The following TET3 variants were observed in gnomAD, a reference collection of about 807,000 sequenced individuals.
TET3 encodes tet methylcytosine dioxygenase 3, also known as methylcytosine dioxygenase TET3.
Under a neutral mutation model 141.4 loss-of-function variants are expected in TET3, and 19 were observed. The observed-to-expected ratio is 0.13, with a 90% CI of 0.09 to 0.20. TET3 has a LOEUF of 0.20. Ranked by LOEUF, TET3 falls within the 10% of genes least tolerant of loss-of-function variation. The pLI is 1.00. For synonymous variants in TET3, 1,043 were observed against 980.9 expected (o/e 1.06, Z -1.18); for missense variants, 1,874 against 2,356.9 (o/e 0.80, Z 4.24).
At chr2:74,095,358 G>A (rs1000687054) in intron 10 of TET3, among the ~76,000 whole-genome samples, 5 of 152,212 alleles carry the variant, frequency 3.3e-5, no homozygotes. Flanking sequence ...AGCCCAGGGG[G>A]CCCTGGAAGG....
chr2:74,092,955 G>C lies in TET3; in HGVS notation c.3093G>C (p.Leu1031=). Residue 1031 remains leucine, a synonymous_variant, in exon 9 of 12, where the codon CTG becomes CTC. Transcript: ENST00000409262. ...FQDLATEVAP[L]YKRLAPQAYQ... is the part of the protein sequence containing the mutation. ...ACCTGGCCACCGAAGTCGCTCCCCT[G>C]TACAAGCGACTGGCCCCTCAGGCCT... The C allele has an allele frequency of 1.9e-6, 3 of 1,584,978 alleles. No homozygotes were observed. Among genetic ancestry groups the C allele is most frequent in the Non-Finnish European group, 2.6e-6 (3 of 1,165,690 alleles).
At chr2:74,011,285 C>T (rs1444200225) in intron 3 of TET3, among the ~76,000 whole-genome samples, 4 of 150,884 alleles carry the variant, frequency 2.7e-5, no homozygotes, top group Non-Finnish European at 5.9e-5. Context: ...CACGGAAAGG[C>T]ATATGCTGTG....
intron 3 of TET3, among the ~76,000 whole-genome samples, chr2:74,043,325 C>T (rs1247844970): frequency 6.6e-6 from 1 of 152,184 alleles, no homozygotes; most frequent in Admixed American, 6.5e-5. Flanking sequence ...CTGATATATT[C>T]CATGGCCTGT....
At chr2:73,989,384 C>T (rs567878439) in intron 2 of TET3, among the ~76,000 whole-genome samples, 2 of 152,332 alleles carry the variant, frequency 1.3e-5, no homozygotes, top group East Asian at 3.9e-4. Flanking sequence ...GGGCACTCTT[C>T]CTTACTTCCC....
At chr2:74,066,438 CTG>C (rs1383658728) in intron 4 of TET3, among the ~76,000 whole-genome samples, 1 of 152,120 alleles carries the variant, frequency 6.6e-6, no homozygotes, top group Non-Finnish European at 1.5e-5. Flanking sequence ...ATTATAGTAT[CTG>C]TAATATATAT....
intron 5 of TET3, among the ~76,000 whole-genome samples, chr2:74,074,547 G>T (rs965246431): frequency 6.6e-6 from 1 of 152,236 alleles, no homozygotes; most frequent in African/African-American, 2.4e-5. Flanking sequence ...AACACTCTAA[G>T]TTCGAGTCTA....
chr2:74,064,545 G>A (rs553246369), intron 4 of TET3, among the ~76,000 whole-genome samples: 4 of 152,164 alleles, frequency 2.6e-5, no homozygotes, highest in Middle Eastern at 3.4e-3. Flanking sequence ...GACTACAGGC[G>A]TGCGTGCCAC....
intron 3 of TET3, among the ~76,000 whole-genome samples, chr2:74,004,008 T>C (rs1685014210): frequency 6.6e-6 from 1 of 152,140 alleles, no homozygotes; most frequent in Non-Finnish European, 1.5e-5. Context: ...AAGGAGCCAC[T>C]GTGAGTTTGG....
At chr2:73,984,745 G>A (rs1235320867), upstream of TET3, among the ~76,000 whole-genome samples, 1 of 149,866 alleles carries the variant, frequency 6.7e-6, no homozygotes, top group Non-Finnish European at 1.5e-5. The surrounding 1 kb of genome is among the most constrained non-coding windows in gnomAD (Gnocchi z 5.6). Flanking sequence ...GCCCCAAGCC[G>A]CTCGCAGGCC....
chr2:74,030,352 A>C (rs184543254), intron 3 of TET3, among the ~76,000 whole-genome samples: 1 of 152,232 alleles, frequency 6.6e-6, no homozygotes, highest in African/African-American at 2.4e-5. Flanking sequence ...TTCCTATTTC[A>C]TCTAGCTTTT....
chr2:74,060,922 A>G (rs1158467209), intron 4 of TET3, among the ~76,000 whole-genome samples: 1 of 152,238 alleles, frequency 6.6e-6, no homozygotes, highest in Non-Finnish European at 1.5e-5. Context: ...CTCTTTCTAC[A>G]CAGACACAGC....
chr2:74,087,820 G>C lies in TET3; in HGVS notation c.2680-10G>C, dbSNP rs755005685. The C allele has an allele frequency of 5.8e-6, 9 of 1,544,234 alleles. 1 individual carries two copies. In the Admixed American group the frequency reaches 1.8e-4, roughly 30 times the overall value. ...CTGGCTCCTGCCCCTCACACCCTGC[G>C]TCCCTGCAGGTGATCCGCAGGCACA... On this transcript the variant is annotated splice_polypyrimidine_tract_variant and intron_variant, in intron 6 of 11. Coordinates refer to ENST00000409262, the MANE Select transcript of TET3 (RefSeq NM_001287491.2). The surrounding 1 kb of genome is among the most constrained non-coding windows in gnomAD (Gnocchi z 4.3).
chr2:74,005,946 G>A (rs1001759580), intron 3 of TET3, among the ~76,000 whole-genome samples: 1 of 152,068 alleles, frequency 6.6e-6, no homozygotes, highest in Admixed American at 6.6e-5. Context: ...CGAGAACACC[G>A]GGCCGCCCTG....
rs760635430 is a variant in TET3, at chr2:74,101,085, C to T, written c.4297C>T (p.His1433Tyr). 8.1e-5 allele frequency: 131 copies of T among 1,612,504 alleles called. No homozygotes were observed. Among genetic ancestry groups the T allele is most frequent in the Non-Finnish European group, 1.1e-4 (128 of 1,179,278 alleles). ...SEVSQNGGPS[H>Y]LWGQYSGGPS... ...GGTGTCTCAGAATGGAGGACCCAGTCACCTTTGGGGACAGTACTCAGGAGG... is the reference window on the plus strand; with the variant it reads ...GGTGTCTCAGAATGGAGGACCCAGTTACCTTTGGGGACAGTACTCAGGAGG... The change falls in exon 12 of 12, where the codon CAC (histidine) becomes TAC (tyrosine). Residue 1433 changes from histidine (H) to tyrosine (Y), a missense_variant. Around this residue, in one of 10 missense-constraint regions of TET3, gnomAD observed 602 missense variants for 590.2 expected, o/e 1.02. Transcript: ENST00000409262. This position sits in a 1 kb window ranked among gnomAD's most constrained non-coding sequence, Gnocchi z 8.5.
At chr2:74,131,352 C>A in the TET3 span, among the ~76,000 whole-genome samples, 1 of 152,220 alleles carries the variant, frequency 6.6e-6, no homozygotes, top group Non-Finnish European at 1.5e-5. Context: ...TAGCCCTGAG[C>A]GCTCCAGCAG....
At chr2:74,038,217 T>C (rs911303421) in intron 3 of TET3, among the ~76,000 whole-genome samples, 3 of 152,206 alleles carry the variant, frequency 2.0e-5, no homozygotes, top group Non-Finnish European at 2.9e-5. Flanking sequence ...TTGGCGATGC[T>C]GTATGCACAT....
At chr2:74,085,221 G>GT (rs1690056115) in intron 6 of TET3, among the ~76,000 whole-genome samples, 2 of 151,866 alleles carry the variant, frequency 1.3e-5, no homozygotes, top group East Asian at 1.9e-4. Flanking sequence ...CTGGATTTCC[G>GT]TTTTTTTCTT....
At chr2:74,135,498 A>G in the TET3 span, 1 of 1,549,328 alleles carries the variant, frequency 6.5e-7, no homozygotes, top group Non-Finnish European at 8.9e-7. Flanking sequence ...TATGAGCAAA[A>G]TATATAAATT....
chr2:73,991,417 C>G (rs1366677952), intron 2 of TET3, among the ~76,000 whole-genome samples: 1 of 151,922 alleles, frequency 6.6e-6, no homozygotes. Context: ...AACCCCATCT[C>G]TACTAAAAAT....
Sources: gnomAD v4.1 joint callset for allele counts (sites outside exome capture counted in the v4.1 genomes callset) on GRCh38, gnomAD v4.1.1 for gene constraint, gnomAD v4.1.1 regional missense constraint, Gnocchi (gnomAD v3.1) non-coding constraint, MANE v1.5 for transcripts, NCBI Gene and HGNC (gene_info 2026-07-23, HGNC 2026-07-21) for gene names.